Variants in IFIH1 observed in about 807,000 individuals in gnomAD.
IFIH1 encodes the protein interferon induced with helicase C domain 1.
IFIH1 carries 125 observed loss-of-function variants against 107.4 expected under a neutral mutation model. The ratio of observed to expected loss-of-function variants is 1.16; its 90% CI spans 1.01 to 1.35. IFIH1 has a LOEUF of 1.35. IFIH1 is among the 40% of genes most tolerant of loss of function. The pLI is 0.00. For synonymous variants in IFIH1, 458 were observed against 413.2 expected (o/e 1.11, Z -1.31); for missense variants, 1,333 against 1,213.7 (o/e 1.10, Z -1.46).
Position 162,318,205 on chromosome 2 carries a change from G to C in IFIH1, c.103C>G (p.Leu35Val), listed in dbSNP as rs75342243. The C allele has an allele frequency of 8.1e-6, 13 of 1,614,186 alleles. No homozygotes were observed. Among genetic ancestry groups the C allele is most frequent in the Non-Finnish European group, 1.1e-5 (13 of 1,180,038 alleles). Residue 35 changes from leucine (L) to valine (V), a missense_variant, in exon 1 of 16, where the codon CTG (leucine) becomes GTG (valine). Physicochemically the swap from Leu to Val is conservative, Grantham distance 32. Coordinates refer to ENST00000649979, the MANE Select transcript of IFIH1 (RefSeq NM_022168.4). ...YIQVEPVLDY[L>V]TFLPAEVKEQ... ...TTCACCTCTGCAGGCAGAAAGGTCA[G>C]GTAGTCCAGCACAGGCTCCACCTGG...
intron 3 of IFIH1, among the ~76,000 whole-genome samples, chr2:162,304,679 AGAAT>A (rs1186864919): frequency 6.6e-6 from 1 of 152,238 alleles, no homozygotes; most frequent in African/African-American, 2.4e-5. Flanking sequence ...CAAAACAAAG[AGAAT>A]GAATTTGTGA....
chr2:162,267,565 G>C lies in IFIH1; in HGVS notation c.2812C>G (p.Leu938Val), dbSNP rs2105187108. 2 of 1,600,032 alleles carry C rather than the reference G, an allele frequency of 1.2e-6. No individual in the cohort carries two copies. Among genetic ancestry groups the C allele is most frequent in the Non-Finnish European group, 1.7e-6 (2 of 1,166,942 alleles). The change falls in exon 15 of 16, where the codon CTT (leucine) becomes GTT (valine). Residue 938 changes from leucine to valine, a missense_variant. By Grantham distance (32) the Leu-to-Val change is conservative. Transcript: ENST00000649979. ...HVNMTPEFKE[L>V]YIVRENKALQ... The stretch of plus-strand genomic sequence containing the variant: ...GCTTTGTTTTCTCTTACAATGTAAA[G>C]TTCCCTATAAGTATCAAAGGGAAAG...
chr2:162,278,717 T>C, intron 8 of IFIH1, among the ~76,000 whole-genome samples: 1 of 152,180 alleles, frequency 6.6e-6, no homozygotes, highest in East Asian at 1.9e-4. Context: ...GGTTTCAGTA[T>C]TATTTCGACC....
In IFIH1 at chr2:162,296,232, A is replaced by G. The variant is rs367809998; in HGVS notation, c.770-2564T>C. Among the ~76,000 whole-genome samples, 3 of 152,194 alleles carry G rather than the reference A, an allele frequency of 2.0e-5. No homozygotes were observed. The East Asian group carries it at 5.8e-4, about 29-fold the overall frequency. On this transcript the variant is annotated intron_variant, in intron 3 of 15. Transcript: ENST00000649979. Reference sequence around the variant, plus strand: ...AGTTTTGGGAGGGAGCTATTTATGCAATGTGCACGAATAATTGATGAATTG... The same window carrying G: ...AGTTTTGGGAGGGAGCTATTTATGCGATGTGCACGAATAATTGATGAATTG...
chr2:162,276,209 T>C (rs1691151033), intron 11 of IFIH1, among the ~76,000 whole-genome samples: 1 of 152,326 alleles, frequency 6.6e-6, no homozygotes, highest in South Asian at 2.1e-4. Context: ...AGATTTTATT[T>C]CAAGAACAGG....
intron 4 of IFIH1, 109 bp from the exon 5 acceptor site, chr2:162,288,464 T>C: frequency 1.4e-6 from 1 of 705,426 alleles, no homozygotes; most frequent in Non-Finnish European, 2.4e-6. Flanking sequence ...TTTTCACATG[T>C]GGTCCAAACC....
chr2:162,309,973 C>T (rs1683361715), intron 2 of IFIH1, among the ~76,000 whole-genome samples: 1 of 152,134 alleles, frequency 6.6e-6, no homozygotes, highest in African/African-American at 2.4e-5. Flanking sequence ...TGTGACCTCA[C>T]CAGAATCACC....
At position 162,281,381 on chromosome 2, in the gene IFIH1, G is replaced by C; in HGVS notation, c.1471C>G (p.Pro491Ala). ...TGCTTCGTGGCCCCTCCAACACCAGGTGAAGCTGTTAGTCCCAGTATCTGA... is the reference window on the plus strand; with the variant it reads ...TGCTTCGTGGCCCCTCCAACACCAGCTGAAGCTGTTAGTCCCAGTATCTGA... ...LPQILGLTAS[P>A]GVGGATKQAK... The change falls in exon 7 of 16, where the codon CCT (proline) becomes GCT (alanine). Residue 491 changes from proline (P) to alanine (A), a missense_variant. Pro to Ala is a conservative substitution (Grantham distance 27). Coordinates refer to ENST00000649979, the MANE Select transcript of IFIH1 (RefSeq NM_022168.4). The C allele has an allele frequency of 6.2e-7, 1 of 1,612,774 alleles. No individual in the cohort carries two copies. Among genetic ancestry groups the C allele is most frequent in the Non-Finnish European group, 8.5e-7 (1 of 1,179,172 alleles).
chr2:162,298,013 T>A (rs1243303562), intron 3 of IFIH1, among the ~76,000 whole-genome samples: 1 of 152,108 alleles, frequency 6.6e-6, no homozygotes, highest in East Asian at 1.9e-4. Flanking sequence ...TATTTTTAAA[T>A]CATTTAGAAA....
At chr2:162,317,725 T>C in intron 1 of IFIH1, 130 bp downstream of exon 1, 1 of 711,858 alleles carries the variant, frequency 1.4e-6, no homozygotes, top group Non-Finnish European at 2.4e-6. Flanking sequence ...TGCCTAGATG[T>C]TGTCTTCTCA....
chr2:162,291,171 G>C (rs952185010), intron 4 of IFIH1, among the ~76,000 whole-genome samples: 2 of 151,604 alleles, frequency 1.3e-5, no homozygotes, highest in African/African-American at 4.8e-5. Context: ...CATATAAATG[G>C]TCAAAAAAGA....
At position 162,267,478 on chromosome 2, in the gene IFIH1, C is replaced by A; in HGVS notation, c.2898+1G>T. 6.2e-7 allele frequency: 1 copy of A among 1,613,332 alleles called. No individual in the cohort carries two copies. The highest frequency in any genetic ancestry group is 8.5e-7 in the Non-Finnish European group (1 of 1,179,238). On this transcript the variant is annotated splice_donor_variant, in intron 15 of 15. Coordinates refer to ENST00000649979, the MANE Select transcript of IFIH1 (RefSeq NM_022168.4). LOFTEE classifies it high-confidence loss of function. ...AATCTGGCCCACAGCAATTTACTCA[C>A]CTGGCCACATTTGCAGATGATTTCA...
intron 5 of IFIH1, among the ~76,000 whole-genome samples, chr2:162,286,974 G>A (rs1188729616): frequency 6.6e-6 from 1 of 151,860 alleles, no homozygotes; most frequent in African/African-American, 2.4e-5. Context: ...AGTACCGGTA[G>A]GTAGAAATAG....
At chr2:162,303,146 T>C (rs1046503346) in intron 3 of IFIH1, among the ~76,000 whole-genome samples, 1 of 152,036 alleles carries the variant, frequency 6.6e-6, no homozygotes, top group Non-Finnish European at 1.5e-5. Flanking sequence ...AGTTTTTTTG[T>C]TCTTATTGCT....
intron 2 of IFIH1, chr2:162,310,360 A>G (rs986114304): frequency 8.7e-6 from 2 of 230,318 alleles, no homozygotes; most frequent in African/African-American, 4.5e-5. Flanking sequence ...TGACAAAACA[A>G]TCCTTTTATC....
chr2:162,293,411 A>C (rs1683031460), intron 4 of IFIH1, among the ~76,000 whole-genome samples, 153 bp downstream of exon 4: 1 of 151,996 alleles, frequency 6.6e-6, no homozygotes, highest in Non-Finnish European at 1.5e-5. Context: ...TTTTAAAGAA[A>C]GTGAATGGCA....
intron 1 of IFIH1, among the ~76,000 whole-genome samples, chr2:162,314,310 A>G (rs1001052195): frequency 1.8e-4 from 28 of 151,978 alleles, no homozygotes; most frequent in African/African-American, 6.5e-4. Context: ...TCTAGTATTT[A>G]GAATAGTCCC....
Position 162,318,195 on chromosome 2 carries a change from A to G in IFIH1, c.113T>C (p.Leu38Pro), listed in dbSNP as rs919140409. The change falls in exon 1 of 16, where the codon CTG becomes CCG. Residue 38 changes from leucine to proline, a missense_variant. By Grantham distance (98) the Leu-to-Pro change is moderately conservative. Transcript: ENST00000649979. Reference sequence around the variant, plus strand: ...AATCTGCTCCTTCACCTCTGCAGGCAGAAAGGTCAGGTAGTCCAGCACAGG... The same window carrying G: ...AATCTGCTCCTTCACCTCTGCAGGCGGAAAGGTCAGGTAGTCCAGCACAGG... Reference protein sequence around the residue: ...VEPVLDYLTFLPAEVKEQIQR... With the variant: ...VEPVLDYLTFPPAEVKEQIQR... 2.5e-6 allele frequency: 4 copies of G among 1,614,212 alleles called. No homozygotes were observed. Among genetic ancestry groups the G allele is most frequent in the Non-Finnish European group, 3.4e-6 (4 of 1,180,030 alleles).
chr2:162,268,274 A>G lies in IFIH1; in HGVS notation c.2620T>C (p.Leu874=). The G allele has an allele frequency of 6.3e-7, 1 of 1,597,462 alleles. No homozygotes were observed. Among genetic ancestry groups the G allele is most frequent in the Non-Finnish European group, 8.6e-7 (1 of 1,167,500 alleles). ...MKPEEYAHKI[L]ELQMQSIMEK... is the part of the protein sequence containing the mutation. ...ATTATACTTTGCATCTGTAATTCCA[A>G]AATCTGGACAGAGAAAGGAATAGTT... Residue 874 remains leucine, a synonymous_variant, in exon 14 of 16, where the codon TTG becomes CTG. Transcript: ENST00000649979.
Sources: allele counts gnomAD v4.1 joint callset (sites outside exome capture counted in the v4.1 genomes callset), GRCh38; gene constraint gnomAD v4.1.1; transcripts MANE v1.5; gene names NCBI Gene and HGNC (gene_info 2026-07-23, HGNC 2026-07-21).